The following TUSC3 variants were observed in gnomAD, a reference collection of about 807,000 sequenced individuals.
The protein encoded by TUSC3 is tumor suppressor candidate 3, also known as dolichyl-diphosphooligosaccharide--protein glycosyltransferase subunit TUSC3.
Under a neutral mutation model 44.8 loss-of-function variants are expected in TUSC3, and 45 were observed. That is an observed-to-expected ratio of 1.00 (90% confidence interval 0.79 to 1.29). The LOEUF (loss-of-function observed/expected upper bound fraction) is 1.29, where lower values mean the gene tolerates loss of function less well. Among genes scored for constraint, TUSC3 ranks in the 50% most tolerant of loss-of-function variants. The pLI is 0.00. For synonymous variants in TUSC3, 212 were observed against 152.9 expected (o/e 1.39, Z -2.85); for missense variants, 519 against 437.9 (o/e 1.19, Z -1.65).
chr8:15,736,813 C>T (rs894126038), intron 7 of TUSC3, among the ~76,000 whole-genome samples: 4 of 151,974 alleles, frequency 2.6e-5, no homozygotes, highest in African/African-American at 4.8e-5. Context: ...AATTAGTTTC[C>T]GTAGACAGTA....
At chr8:15,665,167 CT>C (rs1387717501) in intron 5 of TUSC3, among the ~76,000 whole-genome samples, 3 of 151,428 alleles carry the variant, frequency 2.0e-5, no homozygotes, top group Non-Finnish European at 3.0e-5. Context: ...TACACAAACT[CT>C]GATGAAAGCC....
chr8:15,680,681 G>T (rs1808386956), intron 6 of TUSC3, among the ~76,000 whole-genome samples: 1 of 152,046 alleles, frequency 6.6e-6, no homozygotes, highest in African/African-American at 2.4e-5. Flanking sequence ...CAGGGAGAAT[G>T]GTTCCAGCTT....
chr8:15,504,737 C>G (rs970084558), intron 2 of TUSC3, among the ~76,000 whole-genome samples: 3 of 147,298 alleles, frequency 2.0e-5, no homozygotes, highest in Admixed American at 1.4e-4. Context: ...ACTGCAACCT[C>G]TGCCTCCTGG....
intron 2 of TUSC3, among the ~76,000 whole-genome samples, chr8:15,533,316 C>G (rs1015368745): frequency 3.3e-5 from 5 of 152,152 alleles, no homozygotes; most frequent in African/African-American, 4.8e-5. Flanking sequence ...GGAATAGTCA[C>G]TTATGCTGTT....
intron 2 of TUSC3, among the ~76,000 whole-genome samples, chr8:15,631,401 A>G (rs1431182171): frequency 1.3e-5 from 2 of 152,142 alleles, no homozygotes; most frequent in Non-Finnish European, 1.5e-5. Flanking sequence ...TCTATATTCT[A>G]TAATTTTTCC....
At chr8:15,722,549 T>C (rs185653108) in intron 6 of TUSC3, among the ~76,000 whole-genome samples, 15 of 152,090 alleles carry the variant, frequency 9.9e-5, no homozygotes, top group Non-Finnish European at 8.8e-5. Context: ...CTAGAGACTC[T>C]CTGAGAATAC....
chr8:15,725,260 T>C (rs1274825366), intron 6 of TUSC3, among the ~76,000 whole-genome samples: 3 of 152,156 alleles, frequency 2.0e-5, no homozygotes, highest in African/African-American at 4.8e-5. Flanking sequence ...AAATAGCTAT[T>C]TTCTGGCATA....
At chr8:15,623,587 TAGAG>T (rs989271814) in intron 2 of TUSC3, among the ~76,000 whole-genome samples, 29 of 151,940 alleles carry the variant, frequency 1.9e-4, no homozygotes, top group African/African-American at 6.8e-4. Flanking sequence ...TAATTTTTAA[TAGAG>T]AGGACTCACT....
intron 9 of TUSC3, among the ~76,000 whole-genome samples, chr8:15,752,161 ACTCCAGAAGAAGG>A (rs1811734864): frequency 6.6e-6 from 1 of 152,014 alleles, no homozygotes; most frequent in Admixed American, 6.6e-5. Context: ...AGAAAGGAAG[ACTCCAGAAGAAGG>A]CTTGAATTAG....
intron 2 of TUSC3, among the ~76,000 whole-genome samples, chr8:15,521,960 A>G (rs1268629830): frequency 6.6e-6 from 1 of 152,248 alleles, no homozygotes; most frequent in Non-Finnish European, 1.5e-5. Context: ...TTTGCAGCAA[A>G]CGAATAGCTG....
intron 7 of TUSC3, among the ~76,000 whole-genome samples, chr8:15,737,066 C>T (rs1232236496): frequency 6.6e-6 from 1 of 151,942 alleles, no homozygotes; most frequent in African/African-American, 2.4e-5. Flanking sequence ...GTGAGCAAAA[C>T]ATTTTTTCCA....
At chr8:15,641,530 A>G (rs115280259) in intron 2 of TUSC3, among the ~76,000 whole-genome samples, 1,684 of 152,314 alleles carry the variant, frequency 0.011, 30 homozygotes, top group African/African-American at 0.039. Context: ...CAAATAGTCA[A>G]TGAATTTTAA....
chr8:15,832,999 C>T, the TUSC3 span, among the ~76,000 whole-genome samples: 4 of 152,094 alleles, frequency 2.6e-5, no homozygotes, highest in African/African-American at 4.8e-5. Flanking sequence ...CATGACATGG[C>T]ACTTACTCTA....
chr8:15,791,284 C>T, the TUSC3 span, among the ~76,000 whole-genome samples: 5 of 108,136 alleles, frequency 4.6e-5, no homozygotes, highest in East Asian at 2.6e-4. Context: ...CCCCAACCCA[C>T]GCACAAACAC....
chr8:15,771,076 T>G (rs1812433028), downstream of TUSC3, among the ~76,000 whole-genome samples: 1 of 152,154 alleles, frequency 6.6e-6, no homozygotes, highest in Admixed American at 6.5e-5. Flanking sequence ...AGTTGCTCAT[T>G]AGAGGCCATT....
chr8:15,820,200 A>G, the TUSC3 span, among the ~76,000 whole-genome samples: 2 of 152,134 alleles, frequency 1.3e-5, no homozygotes, highest in African/African-American at 4.8e-5. Flanking sequence ...TTCTTTAAAC[A>G]CTACTTATTC....
At chr8:15,513,206 A>G (rs932146740) in intron 2 of TUSC3, among the ~76,000 whole-genome samples, 1 of 151,940 alleles carries the variant, frequency 6.6e-6, no homozygotes, top group African/African-American at 2.4e-5. Flanking sequence ...ATTAAGGCTA[A>G]CCAACTTGGT....
At chr8:15,716,271 A>G (rs943353513) in intron 6 of TUSC3, among the ~76,000 whole-genome samples, 4 of 152,112 alleles carry the variant, frequency 2.6e-5, no homozygotes, top group Non-Finnish European at 5.9e-5. Context: ...GAAAAAAACA[A>G]AAATTCTAAT....
At chr8:15,525,443 G>T (rs1422339969) in intron 2 of TUSC3, among the ~76,000 whole-genome samples, 1 of 152,140 alleles carries the variant, frequency 6.6e-6, no homozygotes, top group Non-Finnish European at 1.5e-5. Flanking sequence ...CTTATGTTAA[G>T]CAATAGTCCT....
Sources: gnomAD v4.1 joint callset for allele counts (sites outside exome capture counted in the v4.1 genomes callset) on GRCh38, gnomAD v4.1.1 for gene constraint, MANE v1.5 for transcripts, NCBI Gene and HGNC (gene_info 2026-07-23, HGNC 2026-07-21) for gene names.